Variants in SDK1 observed in about 807,000 individuals in gnomAD.
The protein encoded by SDK1 is protein sidekick-1.
SDK1 carries 157 observed loss-of-function variants against 245.5 expected under a neutral mutation model. That is an observed-to-expected ratio of 0.64 (90% CI 0.56 to 0.73). SDK1 has a LOEUF of 0.73. Among genes scored for constraint, SDK1 ranks in the 30% least tolerant of loss-of-function variants. The pLI is 0.00. For missense variants in SDK1, 3,583 were observed against 3,002.3 expected, an observed-to-expected ratio of 1.19 and a Z score of -4.52; for synonymous variants, 1,647 against 1,278.5, an observed-to-expected ratio of 1.29 and a Z score of -6.15.
At chr7:4,064,995 G>A (rs755233615) in intron 19 of SDK1, among the ~76,000 whole-genome samples, 1 of 152,082 alleles carries the variant, frequency 6.6e-6, no homozygotes, top group Non-Finnish European at 1.5e-5. Context: ...CCAATGCTCC[G>A]TGGCACAGTA....
intron 4 of SDK1, among the ~76,000 whole-genome samples, chr7:3,817,401 G>A (rs1779536349): frequency 6.6e-6 from 1 of 152,208 alleles, no homozygotes; most frequent in Non-Finnish European, 1.5e-5. Flanking sequence ...TGAGCAGGGA[G>A]TGGGATTTCC....
intron 1 of SDK1, among the ~76,000 whole-genome samples, chr7:3,480,569 A>G (rs549580547): frequency 2.0e-5 from 3 of 152,336 alleles, no homozygotes; most frequent in African/African-American, 7.2e-5. Context: ...AGCTCCTGCA[A>G]CCAGAGAGCT....
chr7:4,265,359 T>C lies in SDK1; in HGVS notation c.6617T>C (p.Leu2206Pro). 6.9e-7 allele frequency: 1 copy of C among 1,452,820 alleles called. No individual in the cohort carries two copies. The highest frequency in any genetic ancestry group is 1.5e-5 in the South Asian group (1 of 68,936). 90.0% of individuals were successfully genotyped at this position (1,452,820 alleles called of 1,614,324 possible). ...GCTGGCCCCGGCGCGCGAACTCCGC[T>C]CACCGGCTTCTCCTCCTTCGTGTGA... ...TPAGPGARTP[L>P]TGFSSFV The change falls in exon 45 of 45, where the codon CTC (leucine) becomes CCC (proline). Residue 2206 changes from leucine to proline, a missense_variant. Physicochemically the swap from Leu to Pro is moderately conservative, Grantham distance 98 (BLOSUM62 -3). Coordinates refer to ENST00000404826, the MANE Select transcript of SDK1 (RefSeq NM_152744.4).
intron 2 of SDK1, among the ~76,000 whole-genome samples, chr7:3,623,171 A>G (rs1348012896): frequency 6.6e-6 from 1 of 151,928 alleles, no homozygotes; most frequent in African/African-American, 2.4e-5. Context: ...TACTTTTTCT[A>G]GCTTTGACTT....
At chr7:3,862,510 AATGTTT>A (rs1165434234) in intron 5 of SDK1, among the ~76,000 whole-genome samples, 9 of 152,180 alleles carry the variant, frequency 5.9e-5, no homozygotes, top group Non-Finnish European at 8.8e-5. Context: ...GTCAGACTTT[AATGTTT>A]ATGCATCAGA....
chr7:4,020,516 G>T (rs947281866), intron 17 of SDK1, among the ~76,000 whole-genome samples: 9 of 152,210 alleles, frequency 5.9e-5, no homozygotes, highest in African/African-American at 1.2e-4. Context: ...GTGAAGGGAA[G>T]ACGGGGGCAA....
chr7:3,930,541 A>G (rs1028012726), intron 5 of SDK1, among the ~76,000 whole-genome samples: 1 of 152,242 alleles, frequency 6.6e-6, no homozygotes, highest in Admixed American at 6.5e-5. Context: ...GTAAAGCCAG[A>G]TGTGGTTTCC....
chr7:4,119,786 C>T (rs1783945861), intron 25 of SDK1, among the ~76,000 whole-genome samples: 1 of 148,566 alleles, frequency 6.7e-6, no homozygotes, highest in Non-Finnish European at 1.5e-5. Flanking sequence ...AATTGTCAAG[C>T]ACACAGGCAA....
In SDK1 at chr7:3,303,058, C is replaced by T. The variant is rs375536112; in HGVS notation, c.298+1174C>T. The stretch of plus-strand genomic sequence containing the variant: ...TATGTAACGTTATCTAAATTGTGCC[C>T]CTCCACCCCCCTCCAGCTTTCATAA... On this transcript the variant is annotated intron_variant, in intron 1 of 44. Transcript: ENST00000404826. 2.2e-4 allele frequency among the ~76,000 whole-genome samples: 34 copies of T among 152,144 alleles called. No individual in the cohort carries two copies. In the South Asian group the frequency reaches 3.1e-3, roughly 14 times the overall value.
intron 17 of SDK1, among the ~76,000 whole-genome samples, chr7:4,046,407 T>C (rs1473840039): frequency 6.6e-6 from 1 of 152,234 alleles, no homozygotes; most frequent in Non-Finnish European, 1.5e-5. Context: ...GTGTCATAAC[T>C]GTTTTTTCCT....
At chr7:3,531,328 C>T (rs931100160) in intron 1 of SDK1, among the ~76,000 whole-genome samples, 4 of 152,142 alleles carry the variant, frequency 2.6e-5, no homozygotes, top group Non-Finnish European at 4.4e-5. Context: ...GAAATGTTCA[C>T]GCTTATTTCG....
intron 5 of SDK1, among the ~76,000 whole-genome samples, chr7:3,925,206 G>T (rs564565094): frequency 5.9e-5 from 9 of 151,804 alleles, no homozygotes; most frequent in African/African-American, 1.9e-4. Context: ...CTGCCATTGG[G>T]AACTCTAAGG....
intron 1 of SDK1, among the ~76,000 whole-genome samples, chr7:3,403,540 T>C (rs919858188): frequency 3.1e-4 from 47 of 152,088 alleles, no homozygotes; most frequent in South Asian, 1.0e-3. Flanking sequence ...TTAATGACTT[T>C]GGTAAATAAA....
chr7:3,467,972 G>T (rs1230454707), intron 1 of SDK1, among the ~76,000 whole-genome samples: 1 of 102,718 alleles, frequency 9.7e-6, no homozygotes, highest in African/African-American at 2.9e-5. Context: ...AATCATTGTT[G>T]TCATGTTTTT....
At chr7:3,387,618 T>C (rs553194741) in intron 1 of SDK1, among the ~76,000 whole-genome samples, 19 of 152,314 alleles carry the variant, frequency 1.2e-4, no homozygotes, top group Non-Finnish European at 2.5e-4. Flanking sequence ...TGATAAAGTA[T>C]ATTGCTTAAG....
At chr7:3,785,916 T>C (rs1780886490) in intron 4 of SDK1, among the ~76,000 whole-genome samples, 1 of 152,222 alleles carries the variant, frequency 6.6e-6, no homozygotes, top group Non-Finnish European at 1.5e-5. Context: ...AAATATTCCT[T>C]GAGGAAATGT....
intron 7 of SDK1, 197 bp downstream of exon 7, chr7:3,952,117 T>C (rs1780883279): frequency 1.7e-6 from 1 of 589,634 alleles, no homozygotes; most frequent in African/African-American, 1.9e-5. Context: ...AAAGTGTTGA[T>C]GTTCTCAATC....
intron 20 of SDK1, among the ~76,000 whole-genome samples, chr7:4,073,359 C>T (rs916867720): frequency 1.3e-5 from 2 of 152,232 alleles, no homozygotes; most frequent in Non-Finnish European, 2.9e-5. Flanking sequence ...TGGCGTTTCT[C>T]TGCAGATCAG....
intron 1 of SDK1, among the ~76,000 whole-genome samples, chr7:3,342,823 C>G (rs951062147): frequency 1.3e-5 from 2 of 151,932 alleles, no homozygotes; most frequent in Non-Finnish European, 2.9e-5. Context: ...AAAGAACTTT[C>G]AAAATTCAAT....
Sources: allele counts gnomAD v4.1 joint callset (sites outside exome capture counted in the v4.1 genomes callset), GRCh38; gene constraint gnomAD v4.1.1; transcripts MANE v1.5; gene names NCBI Gene and HGNC (gene_info 2026-07-23, HGNC 2026-07-21).